The following WWOX variants were observed in gnomAD, a reference collection of about 807,000 sequenced individuals.
WWOX encodes the protein WW domain containing oxidoreductase, also known as WW domain-containing oxidoreductase.
A neutral mutation model predicts 46.2 loss-of-function variants in WWOX; 69 were observed. That is an observed-to-expected ratio of 1.49 (90% CI 1.23 to 1.82). The LOEUF (loss-of-function observed/expected upper bound fraction) is 1.82, where lower values mean the gene tolerates loss of function less well. Ranked by LOEUF, WWOX falls within the 40% of genes most tolerant of loss-of-function variation. The pLI, the probability that WWOX is intolerant of heterozygous loss-of-function variation, is 0.00. For synonymous variants in WWOX, 359 were observed against 202.6 expected, an observed-to-expected ratio of 1.77 and a Z score of -6.56; for missense variants, 919 against 542.6, an observed-to-expected ratio of 1.69 and a Z score of -6.89.
chr16:78,708,011 G>T (rs531762379), intron 8 of WWOX, among the ~76,000 whole-genome samples: 1 of 152,102 alleles, frequency 6.6e-6, no homozygotes, highest in Non-Finnish European at 1.5e-5. Flanking sequence ...GAAATCCCAT[G>T]GCTAGGATTG....
chr16:78,315,304 C>T (rs2080336389), intron 5 of WWOX, among the ~76,000 whole-genome samples: 1 of 152,062 alleles, frequency 6.6e-6, no homozygotes, highest in African/African-American at 2.4e-5. Context: ...CTTGTAAAAG[C>T]TTCATTGTGC....
intron 8 of WWOX, among the ~76,000 whole-genome samples, chr16:78,934,466 G>A (rs1368511237): frequency 2.2e-5 from 3 of 133,510 alleles, no homozygotes; most frequent in South Asian, 2.4e-4. Flanking sequence ...CTGTGATCAC[G>A]CCACTGCACT....
chr16:78,559,296 G>T (rs1002197415), intron 8 of WWOX, among the ~76,000 whole-genome samples: 2 of 152,186 alleles, frequency 1.3e-5, no homozygotes, highest in Non-Finnish European at 2.9e-5. Flanking sequence ...AAGAACGATG[G>T]ATTTGTGAGG....
chr16:78,225,742 C>T (rs2037032846), intron 5 of WWOX, among the ~76,000 whole-genome samples: 2 of 152,152 alleles, frequency 1.3e-5, no homozygotes, highest in Admixed American at 1.3e-4. Flanking sequence ...ATTAAGAAAA[C>T]TGTGCTTCAA....
intron 5 of WWOX, among the ~76,000 whole-genome samples, chr16:78,281,520 C>T (rs1167389968): frequency 6.6e-6 from 1 of 152,140 alleles, no homozygotes. Context: ...CAAGAGTCAG[C>T]AAAGTTTCTC....
At chr16:78,361,289 A>C (rs1017079500) in intron 5 of WWOX, among the ~76,000 whole-genome samples, 1 of 152,230 alleles carries the variant, frequency 6.6e-6, no homozygotes, top group Non-Finnish European at 1.5e-5. Context: ...CAGGTAGAAC[A>C]TAATGTTGAT....
At chr16:78,816,827 A>C (rs184328339) in intron 8 of WWOX, among the ~76,000 whole-genome samples, 2 of 152,262 alleles carry the variant, frequency 1.3e-5, no homozygotes, top group Admixed American at 1.3e-4. Context: ...TGCAATGCCA[A>C]GTACTCATCT....
In WWOX at chr16:79,211,592, CTTCTTGGA is replaced by C; in HGVS notation, c.1057-13_1057-6del. On this transcript the variant is annotated splice_region_variant and splice_polypyrimidine_tract_variant and intron_variant, in intron 8 of 8. Coordinates refer to ENST00000566780, the MANE Select transcript of WWOX (RefSeq NM_016373.4). ...TTTCTTAAAATTTTTTTTTGTCTTTCTTCTTGGATTTCCAGCAACAGGGAGCTGCCACC... is the reference window on the plus strand; with the variant it reads ...TTTCTTAAAATTTTTTTTTGTCTTTCTTTCCAGCAACAGGGAGCTGCCACC... 6.2e-7 allele frequency: 1 copy of C among 1,613,936 alleles called. No individual in the cohort carries two copies. The highest frequency in any genetic ancestry group is 1.1e-5 in the South Asian group (1 of 91,064).
chr16:78,161,639 G>C (rs1179769473), intron 4 of WWOX, among the ~76,000 whole-genome samples: 1 of 152,066 alleles, frequency 6.6e-6, no homozygotes, highest in East Asian at 1.9e-4. Context: ...AATTTTTGTA[G>C]AGACAGAGTT....
At chr16:78,681,238 C>A (rs7197165) in intron 8 of WWOX, among the ~76,000 whole-genome samples, 1 of 151,788 alleles carries the variant, frequency 6.6e-6, no homozygotes, top group East Asian at 1.9e-4. Flanking sequence ...AAGACTGTCT[C>A]ATAAATAAAT....
At chr16:78,917,764 A>G (rs1162952951) in intron 8 of WWOX, among the ~76,000 whole-genome samples, 1 of 152,116 alleles carries the variant, frequency 6.6e-6, no homozygotes, top group Non-Finnish European at 1.5e-5. Context: ...CATAAGGTCT[A>G]TTAATAAATA....
At chr16:78,829,727 C>G (rs755686581) in intron 8 of WWOX, among the ~76,000 whole-genome samples, 2 of 152,128 alleles carry the variant, frequency 1.3e-5, no homozygotes, top group Non-Finnish European at 2.9e-5. Context: ...CTTCCCCAAC[C>G]TAAGGAAACT....
At chr16:78,644,346 C>G (rs1462251286) in intron 8 of WWOX, among the ~76,000 whole-genome samples, 1 of 152,176 alleles carries the variant, frequency 6.6e-6, no homozygotes, top group Non-Finnish European at 1.5e-5. Context: ...CATATGTCAC[C>G]TCCCTCCTCT....
intron 8 of WWOX, among the ~76,000 whole-genome samples, chr16:79,063,800 C>G (rs2048395565): frequency 6.6e-6 from 1 of 152,214 alleles, no homozygotes; most frequent in South Asian, 2.1e-4. Flanking sequence ...ACATCCATTT[C>G]TGTGGGACCT....
rs530073840 is a variant in WWOX at position 78,718,451 on chromosome 16, A to G, written c.1056+285699A>G. 1.1e-4 allele frequency among the ~76,000 whole-genome samples: 17 copies of G among 152,302 alleles called. No individual in the cohort carries two copies. In the South Asian group the frequency reaches 3.3e-3, roughly 30 times the overall value. ...CACTTGAGTTGGAGCCAAACTTTAT[A>G]ACTGAATAGGAGGGTTCTCTTTCCC... On this transcript the variant is annotated intron_variant, in intron 8 of 8. Transcript: ENST00000566780.
chr16:78,203,408 G>C (rs1316277027), intron 5 of WWOX, among the ~76,000 whole-genome samples: 1 of 152,206 alleles, frequency 6.6e-6, no homozygotes, highest in Non-Finnish European at 1.5e-5. Context: ...CAATGGAGAA[G>C]AGAAATTTGT....
chr16:78,665,738 G>T (rs2047315150), intron 8 of WWOX, among the ~76,000 whole-genome samples: 1 of 152,150 alleles, frequency 6.6e-6, no homozygotes, highest in Admixed American at 6.5e-5. Context: ...AGGCTGTAGT[G>T]TAGTGATTCC....
At chr16:78,528,971 T>TC (rs1412029765) in intron 8 of WWOX, among the ~76,000 whole-genome samples, 1 of 149,732 alleles carries the variant, frequency 6.7e-6, no homozygotes, top group Non-Finnish European at 1.5e-5. Flanking sequence ...TTTTTTTTTT[T>TC]TAGGGAGGGT....
chr16:78,584,833 A>G (rs114873145), intron 8 of WWOX, among the ~76,000 whole-genome samples: 1,882 of 152,336 alleles, frequency 0.012, 39 homozygotes, highest in African/African-American at 0.042. Flanking sequence ...AGTTCAAGCT[A>G]TATGCTTAAT....
Sources: gnomAD v4.1 joint callset for allele counts (sites outside exome capture counted in the v4.1 genomes callset) on GRCh38, gnomAD v4.1.1 for gene constraint, MANE v1.5 for transcripts, NCBI Gene and HGNC (gene_info 2026-07-23, HGNC 2026-07-21) for gene names.